PRDM5: variants seen among roughly 807,000 people sequenced by gnomAD.
The protein encoded by PRDM5 is PR domain zinc finger protein 5.
Under a neutral mutation model 81.2 loss-of-function variants are expected in PRDM5, and 56 were observed. That is an observed-to-expected ratio of 0.69 (90% CI 0.56 to 0.86). The LOEUF (loss-of-function observed/expected upper bound fraction) is 0.86, where lower values mean the gene tolerates loss of function less well. Ranked by LOEUF, PRDM5 falls within the 40% of genes least tolerant of loss-of-function variation. The pLI is 0.00. For synonymous variants in PRDM5, 267 were observed against 256.4 expected (o/e 1.04, Z -0.39); for missense variants, 697 against 770.1 (o/e 0.91, Z 1.12).
At chr4:120,798,184 G>A (rs2149282534) in intron 10 of PRDM5, 83 bp downstream of exon 10, 1 of 1,106,098 alleles carries the variant, frequency 9.0e-7, no homozygotes, top group East Asian at 2.7e-5. Context: ...GGCCCCAGAT[G>A]TACAAAAGCT....
chr4:120,897,192 A>ACATTTGGAAG (rs1764729982), intron 2 of PRDM5: 1 of 152,168 alleles, frequency 6.6e-6, no homozygotes, highest in Non-Finnish European at 1.5e-5. Context: ...GAATCAGGTC[A>ACATTTGGAAG]CATTTGGAAG....
intron 8 of PRDM5, among the ~76,000 whole-genome samples, chr4:120,806,721 T>C (rs4336251): frequency 0.41 from 61,423 of 151,506 alleles, 12,525 homozygotes; most frequent in East Asian, 0.5. Flanking sequence ...AAGACTTAAA[T>C]GTTAGACCTA....
intron 3 of PRDM5, 43 bp from the exon 4 acceptor site, chr4:120,821,388 T>G: frequency 6.5e-7 from 1 of 1,536,562 alleles, no homozygotes; most frequent in Non-Finnish European, 9.0e-7. Flanking sequence ...CATTTGTTTC[T>G]GATAGTAATT....
intron 3 of PRDM5, among the ~76,000 whole-genome samples, chr4:120,834,722 G>C (rs1578922263): frequency 3.3e-5 from 5 of 152,104 alleles, no homozygotes. Flanking sequence ...ACCCTAAAAA[G>C]TGTAGGTGGG....
intron 10 of PRDM5, among the ~76,000 whole-genome samples, chr4:120,788,056 T>G (rs1022647834): frequency 1.3e-5 from 2 of 152,124 alleles, no homozygotes; most frequent in Non-Finnish European, 2.9e-5. Flanking sequence ...GGAATAAAAA[T>G]TTTCTGCATA....
At chr4:120,787,157 T>C (rs576128478) in intron 10 of PRDM5, among the ~76,000 whole-genome samples, 78 of 152,084 alleles carry the variant, frequency 5.1e-4, no homozygotes, top group Non-Finnish European at 1.0e-3. Context: ...AAATAGGTGG[T>C]CAAGAAAATT....
At chr4:120,812,217 T>C (rs1753942974) in intron 7 of PRDM5, among the ~76,000 whole-genome samples, 1 of 152,156 alleles carries the variant, frequency 6.6e-6, no homozygotes. Context: ...TTCCAAATAT[T>C]GGCTATTGTG....
intron 2 of PRDM5, among the ~76,000 whole-genome samples, chr4:120,865,967 T>A (rs1036315607): frequency 6.6e-6 from 1 of 151,890 alleles, no homozygotes; most frequent in East Asian, 2.0e-4. Context: ...TGACAATCAA[T>A]GATCCACCAT....
At chr4:120,807,621 G>C (rs958467408) in intron 8 of PRDM5, among the ~76,000 whole-genome samples, 1 of 152,134 alleles carries the variant, frequency 6.6e-6, no homozygotes, top group Non-Finnish European at 1.5e-5. Flanking sequence ...GGAATTGGTG[G>C]GTTCTTGGTC....
At chr4:120,814,866 A>G (rs2149332655) in intron 7 of PRDM5, among the ~76,000 whole-genome samples, 1 of 152,364 alleles carries the variant, frequency 6.6e-6, no homozygotes, top group African/African-American at 2.4e-5. Context: ...AAGATTTTAC[A>G]CTTTATATGG....
At chr4:120,802,877 G>T (rs1752343276) in intron 8 of PRDM5, among the ~76,000 whole-genome samples, 1 of 152,208 alleles carries the variant, frequency 6.6e-6, no homozygotes, top group Non-Finnish European at 1.5e-5. Context: ...GACGAGTTGA[G>T]AGAAGAAGGC....
At chr4:120,901,171 G>A (rs1765182090) in intron 2 of PRDM5, among the ~76,000 whole-genome samples, 2 of 152,246 alleles carry the variant, frequency 1.3e-5, no homozygotes, top group East Asian at 1.9e-4. Context: ...TGAGATGTTA[G>A]TGTACCTGTC....
chr4:120,794,514 A>AACACACACACACACACACAC (rs70948364), intron 10 of PRDM5, among the ~76,000 whole-genome samples: 1 of 143,614 alleles, frequency 7.0e-6, no homozygotes, highest in African/African-American at 2.6e-5. Flanking sequence ...TCCAAAATCT[A>AACACACACACACACACACAC]ACACACACAC....
intron 8 of PRDM5, among the ~76,000 whole-genome samples, chr4:120,805,988 C>G (rs1462418924): frequency 6.6e-6 from 1 of 152,164 alleles, no homozygotes; most frequent in Non-Finnish European, 1.5e-5. Flanking sequence ...AGCTAATAAG[C>G]AACTTCAGCA....
At chr4:120,817,063 G>T (rs1353918638) in intron 5 of PRDM5, 139 bp from the exon 6 acceptor site, 1 of 730,560 alleles carries the variant, frequency 1.4e-6, no homozygotes, top group African/African-American at 1.8e-5. Context: ...TAAATTTTTA[G>T]CAGTACCTTA....
chr4:120,805,754 G>C (rs568804752), intron 8 of PRDM5, among the ~76,000 whole-genome samples: 4 of 152,094 alleles, frequency 2.6e-5, no homozygotes, highest in Non-Finnish European at 5.9e-5. Context: ...CATACTGAGT[G>C]GGCAAAAACT....
intron 3 of PRDM5, among the ~76,000 whole-genome samples, chr4:120,828,111 T>G (rs1283864179): frequency 6.6e-6 from 1 of 152,106 alleles, no homozygotes; most frequent in Non-Finnish European, 1.5e-5. Flanking sequence ...GATACTGGCT[T>G]GGGAGTCAGA....
At chr4:120,861,832 A>G (rs1561524093) in intron 2 of PRDM5, among the ~76,000 whole-genome samples, 2 of 152,048 alleles carry the variant, frequency 1.3e-5, no homozygotes, top group South Asian at 4.1e-4. Flanking sequence ...AAAGGAGAAG[A>G]TGCTTTGTAT....
At chr4:120,822,346 T>C (rs1187053194) in intron 3 of PRDM5, among the ~76,000 whole-genome samples, 3 of 152,202 alleles carry the variant, frequency 2.0e-5, no homozygotes, top group African/African-American at 7.2e-5. Context: ...ACCTTCATAG[T>C]GGCAAAGGCA....
Sources: allele counts gnomAD v4.1 joint callset (sites outside exome capture counted in the v4.1 genomes callset), GRCh38; gene constraint gnomAD v4.1.1; transcripts MANE v1.5; gene names NCBI Gene and HGNC (gene_info 2026-07-23, HGNC 2026-07-21).